The following ZNF804B variants were observed in gnomAD, a reference collection of about 807,000 sequenced individuals.
The protein encoded by ZNF804B is zinc finger 804B.
Under a neutral mutation model 101.4 loss-of-function variants are expected in ZNF804B, and 80 were observed. The observed-to-expected ratio is 0.79, with a 90% CI of 0.66 to 0.95. The LOEUF is 0.95. ZNF804B is among the 40% of genes least tolerant of loss of function. ZNF804B has a pLI of 0.00. For missense variants in ZNF804B, 1,673 were observed against 1,561.9 expected, an observed-to-expected ratio of 1.07 and a Z score of -1.20; for synonymous variants, 622 against 558.8, an observed-to-expected ratio of 1.11 and a Z score of -1.59.
intron 1 of ZNF804B, among the ~76,000 whole-genome samples, chr7:89,021,626 C>T (rs948666922): frequency 5.9e-5 from 9 of 152,164 alleles, no homozygotes; most frequent in Non-Finnish European, 8.8e-5. Flanking sequence ...GGTTGTTTCT[C>T]AGGCCCTGGG....
intron 1 of ZNF804B, among the ~76,000 whole-genome samples, chr7:88,854,414 C>CCTTTCTTTCTTTCTTCCTTCCTTCCTTT (rs1554340149): frequency 1.8e-4 from 10 of 57,108 alleles, no homozygotes; most frequent in South Asian, 1.5e-3. Flanking sequence ...TTTCTTTCTT[C>CCTTTCTTTCTTTCTTCCTTCCTTCCTTT]CTTTCTTTCT....
chr7:89,093,259 T>C (rs1208210513), intron 1 of ZNF804B, among the ~76,000 whole-genome samples: 1 of 152,338 alleles, frequency 6.6e-6, no homozygotes, highest in Middle Eastern at 3.4e-3. Context: ...AAACACCTTA[T>C]CAATTAGAGT....
chr7:88,922,376 G>A (rs1165947657), intron 1 of ZNF804B, among the ~76,000 whole-genome samples: 2 of 151,832 alleles, frequency 1.3e-5, no homozygotes, highest in South Asian at 2.1e-4. Flanking sequence ...TTATTTTGTG[G>A]TCACCAGAAC....
intron 1 of ZNF804B, among the ~76,000 whole-genome samples, chr7:88,862,537 A>G (rs1344981906): frequency 6.6e-6 from 1 of 152,174 alleles, no homozygotes; most frequent in East Asian, 1.9e-4. Context: ...AAAGTAATAG[A>G]ATGTTCTAGT....
intron 1 of ZNF804B, among the ~76,000 whole-genome samples, chr7:89,193,090 G>T (rs1410749859): frequency 6.6e-6 from 1 of 152,040 alleles, no homozygotes; most frequent in African/African-American, 2.4e-5. Context: ...ACTGGCAAAA[G>T]ACAGGGATGC....
At chr7:89,207,299 C>T (rs1173315646) in intron 1 of ZNF804B, among the ~76,000 whole-genome samples, 1 of 152,188 alleles carries the variant, frequency 6.6e-6, no homozygotes, top group Non-Finnish European at 1.5e-5. Flanking sequence ...CTCACAGTTC[C>T]ACATGGCTGG....
chr7:88,793,794 C>T (rs1271591003), intron 1 of ZNF804B, among the ~76,000 whole-genome samples: 1 of 152,118 alleles, frequency 6.6e-6, no homozygotes, highest in Non-Finnish European at 1.5e-5. Context: ...ATTTTGTACC[C>T]TCAGAACACT....
chr7:89,251,524 A>C (rs1789540442), intron 2 of ZNF804B, among the ~76,000 whole-genome samples: 1 of 151,432 alleles, frequency 6.6e-6, no homozygotes, highest in African/African-American at 2.4e-5. Flanking sequence ...ATACTGCCCA[A>C]AGCAATGTAC....
chr7:89,116,944 C>G (rs1187640780), intron 1 of ZNF804B, among the ~76,000 whole-genome samples: 1 of 152,106 alleles, frequency 6.6e-6, no homozygotes, highest in Non-Finnish European at 1.5e-5. Context: ...TCCTGATTAT[C>G]TGAGTGGCCT....
At chr7:88,801,926 A>G (rs1045870417) in intron 1 of ZNF804B, among the ~76,000 whole-genome samples, 4 of 152,134 alleles carry the variant, frequency 2.6e-5, no homozygotes, top group Admixed American at 2.0e-4. Flanking sequence ...TGGATCTGAT[A>G]TGGTTTGGCT....
intron 1 of ZNF804B, among the ~76,000 whole-genome samples, chr7:88,930,472 C>G (rs956197477): frequency 1.2e-4 from 18 of 151,902 alleles, no homozygotes; most frequent in Non-Finnish European, 2.1e-4. Flanking sequence ...TCTAGTTGAA[C>G]AAATATCTGA....
At chr7:89,061,390 A>ATGTGTGTG (rs58438827) in intron 1 of ZNF804B, among the ~76,000 whole-genome samples, 34 of 150,852 alleles carry the variant, frequency 2.3e-4, no homozygotes, top group African/African-American at 8.0e-4. Context: ...CCCCATGAAA[A>ATGTGTGTG]TGTGTGTGTG....
chr7:88,950,087 C>A (rs990271706), intron 1 of ZNF804B, among the ~76,000 whole-genome samples: 1 of 151,868 alleles, frequency 6.6e-6, no homozygotes, highest in South Asian at 2.1e-4. Context: ...TCCTGTTAGA[C>A]CTGGTAAATC....
At chr7:89,110,005 A>T (rs1201320575) in intron 1 of ZNF804B, among the ~76,000 whole-genome samples, 1 of 152,174 alleles carries the variant, frequency 6.6e-6, no homozygotes, top group Non-Finnish European at 1.5e-5. Flanking sequence ...AAAGACAAAA[A>T]TACACAGCAT....
At chr7:88,916,973 A>G (rs1419936289) in intron 1 of ZNF804B, among the ~76,000 whole-genome samples, 1 of 152,108 alleles carries the variant, frequency 6.6e-6, no homozygotes, top group East Asian at 1.9e-4. Context: ...TTTCAAAAAA[A>G]TTAATATTGG....
chr7:89,223,166 T>C (rs369538595), intron 2 of ZNF804B, among the ~76,000 whole-genome samples: 1 of 152,016 alleles, frequency 6.6e-6, no homozygotes, highest in Middle Eastern at 3.4e-3. Context: ...ACAGTTGCCA[T>C]AATTTTACTT....
At chr7:89,280,816 T>C (rs1189414919) in intron 2 of ZNF804B, among the ~76,000 whole-genome samples, 2 of 152,260 alleles carry the variant, frequency 1.3e-5, no homozygotes, top group Non-Finnish European at 2.9e-5. Flanking sequence ...AGCCGAATTC[T>C]ACCAGAGGTA....
At chr7:88,811,027 C>T (rs903174882) in intron 1 of ZNF804B, among the ~76,000 whole-genome samples, 4 of 151,432 alleles carry the variant, frequency 2.6e-5, no homozygotes, top group Non-Finnish European at 5.9e-5. Flanking sequence ...GAGAAACCCA[C>T]CAAAATTAGA....
At chr7:89,242,791 C>T (rs1003993387) in intron 2 of ZNF804B, among the ~76,000 whole-genome samples, 2 of 151,658 alleles carry the variant, frequency 1.3e-5, no homozygotes, top group African/African-American at 4.8e-5. Context: ...TAATTTATCA[C>T]CTAATTTATA....
Sources: gnomAD v4.1 joint callset for allele counts (sites outside exome capture counted in the v4.1 genomes callset) on GRCh38, gnomAD v4.1.1 for gene constraint, MANE v1.5 for transcripts, NCBI Gene and HGNC (gene_info 2026-07-23, HGNC 2026-07-21) for gene names.